LPCAT3: variants seen among roughly 807,000 people sequenced by gnomAD.
LPCAT3 encodes the protein lysophosphatidylcholine acyltransferase 3, also known as lysophospholipid acyltransferase 5.
In LPCAT3, 21 loss-of-function variants were observed where a neutral mutation model predicts 63.4. That is an observed-to-expected ratio of 0.33 (90% CI 0.23 to 0.48). The LOEUF (loss-of-function observed/expected upper bound fraction) is 0.48. Among genes scored for constraint, LPCAT3 ranks in the 20% least tolerant of loss-of-function variants. The pLI is 0.99. For synonymous variants in LPCAT3, 242 were observed against 227.5 expected, an observed-to-expected ratio of 1.06 and a Z score of -0.58; for missense variants, 451 against 590.6, an observed-to-expected ratio of 0.76 and a Z score of 2.45.
chr12:6,987,979 T>C lies in LPCAT3; in HGVS notation c.152-4440A>G. On this transcript the variant is annotated intron_variant, in intron 1 of 12. Transcript: ENST00000261407. This position sits in a 1 kb window ranked among gnomAD's most constrained non-coding sequence, Gnocchi z 4.1. The stretch of plus-strand genomic sequence containing the variant: ...GTCACCTCTTGAACTTTTGGGGTGC[T>C]TGGCAATAGTTCCTCTCCCTACTCC... The C allele has an allele frequency of 2.5e-6, 1 of 397,356 alleles. No individual in the cohort carries two copies. The highest frequency in any genetic ancestry group is 3.6e-5 in the East Asian group (1 of 27,912). The allele number at this position is 397,356 out of a possible 1,614,324, so 24.6% of individuals were successfully genotyped here. A position where few individuals can be genotyped will look rare whatever the true frequency, so the allele number is the denominator to read the frequency against.
chr12:7,003,928 C>CA (rs781922909), intron 1 of LPCAT3, among the ~76,000 whole-genome samples: 13,043 of 62,314 alleles, frequency 0.21, 1,287 homozygotes, highest in East Asian at 0.55. Context: ...GACTCCGTCT[C>CA]AAAAAAAAAA....
chr12:6,983,370 T>TC, intron 2 of LPCAT3, 62 bp downstream of exon 2: 5 of 1,131,934 alleles, frequency 4.4e-6, no homozygotes, highest in Non-Finnish European at 6.6e-6. Context: ...GAAATTTTGT[T>TC]CAAGTCTGTT....
intron 1 of LPCAT3, among the ~76,000 whole-genome samples, chr12:7,016,529 G>T (rs1457873464): frequency 2.0e-5 from 3 of 152,018 alleles, no homozygotes; most frequent in Non-Finnish European, 4.4e-5. Flanking sequence ...TGCCCACCTT[G>T]GCCTCCCAAA....
Position 6,982,525 on chromosome 12 carries a change from G to A in LPCAT3, c.366+151C>T, listed in dbSNP as rs181924001. ...CTGTGGATGGAACACTTGGGCCTGTGATAAGCCACCTACCTGAAGTCATAC... is the reference window on the plus strand; with the variant it reads ...CTGTGGATGGAACACTTGGGCCTGTAATAAGCCACCTACCTGAAGTCATAC... On this transcript the variant is annotated intron_variant, in intron 3 of 12. Transcript: ENST00000261407. The A allele has an allele frequency of 2.2e-4, 134 of 622,544 alleles. No homozygotes were observed. In the African/African-American group the frequency reaches 2.4e-3, roughly 11 times the overall value. The allele number at this position is 622,544 out of a possible 1,614,324, so 38.6% of individuals were successfully genotyped here.
intron 4 of LPCAT3, 34 bp from the exon 5 acceptor site, chr12:6,981,666 G>A (rs782520964): frequency 1.2e-6 from 2 of 1,609,958 alleles, no homozygotes; most frequent in East Asian, 4.5e-5. Context: ...GTAGGGTGGT[G>A]GGAGAGGACA....
Position 6,976,903 on chromosome 12 carries a change from G to A in LPCAT3, c.*13-12C>T. On this transcript the variant is annotated splice_polypyrimidine_tract_variant and intron_variant, in intron 12 of 12. Transcript: ENST00000261407. Reference sequence around the variant, plus strand: ...CCCGCACAGGCCACCTGCAAGACAAGAGGAGTTTGGAAGGCTGGTTAGTTA... The same window carrying A: ...CCCGCACAGGCCACCTGCAAGACAAAAGGAGTTTGGAAGGCTGGTTAGTTA... The A allele has an allele frequency of 2.1e-6, 1 of 475,260 alleles. No homozygotes were observed. The highest frequency in any genetic ancestry group is 2.4e-5 in the South Asian group (1 of 41,786). The allele number at this position is 475,260 out of a possible 1,614,324, so 29.4% of individuals were successfully genotyped here. A position where few individuals can be genotyped will look rare whatever the true frequency, so the allele number is the denominator to read the frequency against.
chr12:6,977,305 C>T lies in LPCAT3; in HGVS notation c.1348-43G>A. ...ACTAAGGTAGACAGGCCTGGAGTGT[C>T]CTTTGCAACCTTTGAGGTTGCAGTG... is the stretch of plus-strand genomic sequence containing the variant. On this transcript the variant is annotated intron_variant, in intron 11 of 12. Transcript: ENST00000261407. This position sits in a 1 kb window ranked among gnomAD's most constrained non-coding sequence, Gnocchi z 4.5. The T allele has an allele frequency of 1.2e-6, 2 of 1,611,664 alleles. No homozygotes were observed. Among genetic ancestry groups the T allele is most frequent in the Non-Finnish European group, 1.7e-6 (2 of 1,177,872 alleles).
Position 7,018,199 on chromosome 12 carries a change from G to A in LPCAT3, c.151+75C>T. On this transcript the variant is annotated intron_variant, in intron 1 of 12. Transcript: ENST00000261407. The surrounding 1 kb of genome is among the most constrained non-coding windows in gnomAD (Gnocchi z 4.9). ...CTCCCGGGTGGCTCCGGGAAGAGAG[G>A]GAGGTCCTGTCCCCATTCCTCCCCT... The A allele has an allele frequency of 1.3e-6, 2 of 1,531,234 alleles. No individual in the cohort carries two copies. The highest frequency in any genetic ancestry group is 2.4e-5 in the South Asian group (2 of 83,666). The allele number at this position is 1,531,234 out of a possible 1,614,324, so 94.9% of individuals were successfully genotyped here.
chr12:6,995,772 C>T (rs1342993364), intron 1 of LPCAT3, among the ~76,000 whole-genome samples: 1 of 152,176 alleles, frequency 6.6e-6, no homozygotes, highest in Non-Finnish European at 1.5e-5. Context: ...GACTACTCAA[C>T]AGAGTCAGCA....
intron 1 of LPCAT3, among the ~76,000 whole-genome samples, chr12:7,013,502 G>A: frequency 6.6e-6 from 1 of 152,186 alleles, no homozygotes. Context: ...TGTGGTGATG[G>A]AGAATAGTAG....
intron 9 of LPCAT3, chr12:6,978,018 C>T (rs782352290): frequency 5.3e-6 from 3 of 562,616 alleles, no homozygotes; most frequent in African/African-American, 1.9e-5. Context: ...AGACACTCTA[C>T]TCAAGCTGCC....
chr12:6,981,428 A>G, intron 5 of LPCAT3, 167 bp downstream of exon 5: 1 of 773,362 alleles, frequency 1.3e-6, no homozygotes, highest in East Asian at 2.5e-5. Context: ...ATCCTGGGCA[A>G]ATTAGATTTG....
rs782766357 is a variant in LPCAT3 at position 6,992,935 on chromosome 12, G to A, written c.152-9396C>T. Among the ~76,000 whole-genome samples, 42 of 152,064 alleles carry A rather than the reference G, an allele frequency of 2.8e-4. No homozygotes were observed. In the South Asian group the frequency reaches 8.8e-3, roughly 32 times the overall value. On this transcript the variant is annotated intron_variant, in intron 1 of 12. Transcript: ENST00000261407. ...GATTACTCATAATACCTAATATAAT[G>A]TAAATGCAATGCAAATAGCTGCTAT... is the stretch of plus-strand genomic sequence containing the variant.
chr12:6,994,062 C>T (rs1555155810), intron 1 of LPCAT3, among the ~76,000 whole-genome samples: 1 of 152,220 alleles, frequency 6.6e-6, no homozygotes, highest in African/African-American at 2.4e-5. Context: ...GTCTTGAACT[C>T]CTGGCCTCAA....
At chr12:6,993,430 C>T (rs1946607201) in intron 1 of LPCAT3, among the ~76,000 whole-genome samples, 2 of 151,148 alleles carry the variant, frequency 1.3e-5, no homozygotes, top group South Asian at 4.2e-4. Context: ...GAGACTCCAT[C>T]TCAAAAAGAA....
At chr12:6,991,396 G>C (rs1202362931) in intron 1 of LPCAT3, among the ~76,000 whole-genome samples, 4 of 152,192 alleles carry the variant, frequency 2.6e-5, no homozygotes, top group Non-Finnish European at 4.4e-5. Context: ...TACCATGCAT[G>C]ACTTTGTAAC....
chr12:6,984,594 A>G (rs1555154570), intron 1 of LPCAT3, among the ~76,000 whole-genome samples: 3 of 152,024 alleles, frequency 2.0e-5, no homozygotes, highest in Non-Finnish European at 4.4e-5. Flanking sequence ...TTTTATTTTT[A>G]TTTATTTTGA....
chr12:7,018,046 T>C lies in LPCAT3; in HGVS notation c.151+228A>G, dbSNP rs1170478359. On this transcript the variant is annotated intron_variant, in intron 1 of 12. Coordinates refer to ENST00000261407, the MANE Select transcript of LPCAT3 (RefSeq NM_005768.6). This position sits in a 1 kb window ranked among gnomAD's most constrained non-coding sequence, Gnocchi z 4.9. The stretch of plus-strand genomic sequence containing the variant: ...GGCCCGACTGAGAGGCCAGAGGGCA[T>C]GGCAGGGGTTGAAGAGAAAGATGAA... 6.6e-6 allele frequency among the ~76,000 whole-genome samples: 1 copy of C among 152,042 alleles called. No homozygotes were observed. The highest frequency in any genetic ancestry group is 6.5e-5 in the Admixed American group (1 of 15,278).
At position 6,980,993 on chromosome 12, in the gene LPCAT3, G is replaced by C. The variant is rs1946465354; in HGVS notation, c.677+11C>G. The stretch of plus-strand genomic sequence containing the variant: ...ACCTACACAAACATCTGGACCAAGA[G>C]GGGCAATTACCTGTTTGGTATCTTT... On this transcript the variant is annotated intron_variant, in intron 6 of 12. Coordinates refer to ENST00000261407, the MANE Select transcript of LPCAT3 (RefSeq NM_005768.6). The C allele has an allele frequency of 6.4e-7, 1 of 1,573,976 alleles. No individual in the cohort carries two copies. Among genetic ancestry groups the C allele is most frequent in the Non-Finnish European group, 8.6e-7 (1 of 1,161,670 alleles).
Sources: gnomAD v4.1 joint callset for allele counts (sites outside exome capture counted in the v4.1 genomes callset) on GRCh38, gnomAD v4.1.1 for gene constraint, Gnocchi (gnomAD v3.1) non-coding constraint, MANE v1.5 for transcripts, NCBI Gene and HGNC (gene_info 2026-07-23, HGNC 2026-07-21) for gene names.